Variants in SLC4A10 observed in about 807,000 individuals in gnomAD.
SLC4A10 encodes the protein solute carrier family 4 member 10.
SLC4A10 carries 42 observed loss-of-function variants against 137.7 expected under a neutral mutation model. That is an observed-to-expected ratio of 0.30 (90% CI 0.24 to 0.39). The LOEUF (loss-of-function observed/expected upper bound fraction) is 0.39, where lower values mean the gene tolerates loss of function less well. Among genes scored for constraint, SLC4A10 ranks in the 10% least tolerant of loss-of-function variants. The pLI is 1.00. For missense variants in SLC4A10, 925 were observed against 1,355.0 expected, an observed-to-expected ratio of 0.68 and a Z score of 4.98; for synonymous variants, 474 against 464.1, an observed-to-expected ratio of 1.02 and a Z score of -0.27.
intron 1 of SLC4A10, among the ~76,000 whole-genome samples, chr2:161,767,139 A>ATATAGATG (rs1362865580): frequency 1.8e-5 from 1 of 57,108 alleles, no homozygotes; most frequent in East Asian, 8.3e-4. Flanking sequence ...ATATATATAT[A>ATATAGATG]TGTGTGTGTG....
rs1281102751 is a variant in SLC4A10, at chr2:161,836,552, GAA to G, written c.278-3235_278-3234del. Among the ~76,000 whole-genome samples, 25 of 64,908 alleles carry G rather than the reference GAA, an allele frequency of 3.9e-4. 1 individual carries two copies. The East Asian group carries it at 0.011, about 27-fold the overall frequency. 42.6% of individuals were successfully genotyped at this position (64,908 alleles called of 152,430 possible). A position where few individuals can be genotyped will look rare whatever the true frequency, so the allele number is the denominator to read the frequency against. On this transcript the variant is annotated intron_variant, in intron 3 of 26. Transcript: ENST00000446997. ...AGAGAGAAAGAAAGAAAGAAAGAAAGAAAGAAAGAAAGAAAGAAAGAAAGAAA... is the reference window on the plus strand; with the variant it reads ...AGAGAGAAAGAAAGAAAGAAAGAAAGAGAAAGAAAGAAAGAAAGAAAGAAA...
intron 3 of SLC4A10, among the ~76,000 whole-genome samples, chr2:161,830,248 T>C (rs2125734771): frequency 6.6e-6 from 1 of 152,244 alleles, no homozygotes; most frequent in South Asian, 2.1e-4. Context: ...TAACCACATC[T>C]ATTCTTATCT....
chr2:161,981,950 A>T (rs1454473074), intron 26 of SLC4A10, among the ~76,000 whole-genome samples: 1 of 152,204 alleles, frequency 6.6e-6, no homozygotes, highest in Non-Finnish European at 1.5e-5. Flanking sequence ...ACAACTGAGA[A>T]GGGCTGTTTC....
chr2:161,649,604 T>G lies in SLC4A10; in HGVS notation c.48+25038T>G, dbSNP rs371896457. ...TCTCATTTTCTAGGTTTATTTTATT[T>G]TTAAATCAATTTTATTTTATTTTGC... On this transcript the variant is annotated intron_variant, in intron 1 of 26. Coordinates refer to ENST00000446997, the MANE Select transcript of SLC4A10 (RefSeq NM_001178015.2). Among the ~76,000 whole-genome samples the G allele has an allele frequency of 1.3e-4, 20 of 152,254 alleles. No individual in the cohort carries two copies. In the South Asian group the frequency reaches 3.9e-3, roughly 30 times the overall value.
At chr2:161,759,775 T>C (rs1034875887) in intron 1 of SLC4A10, among the ~76,000 whole-genome samples, 2 of 152,026 alleles carry the variant, frequency 1.3e-5, no homozygotes, top group Non-Finnish European at 2.9e-5. Context: ...CCTTACCAGA[T>C]ACATGGTTTG....
At chr2:161,811,326 A>G (rs1311562173) in intron 3 of SLC4A10, among the ~76,000 whole-genome samples, 1 of 151,938 alleles carries the variant, frequency 6.6e-6, no homozygotes, top group African/African-American at 2.4e-5. Flanking sequence ...TGTTTCATTT[A>G]TCTTTGTATG....
intron 4 of SLC4A10, among the ~76,000 whole-genome samples, chr2:161,841,450 T>C (rs535277014): frequency 6.6e-6 from 1 of 152,308 alleles, no homozygotes; most frequent in African/African-American, 2.4e-5. Context: ...AAAGACTTTA[T>C]CTTAAGCATA....
intron 1 of SLC4A10, among the ~76,000 whole-genome samples, chr2:161,682,999 T>C (rs1262707870): frequency 6.6e-6 from 1 of 152,000 alleles, no homozygotes; most frequent in East Asian, 1.9e-4. Context: ...AACATAAACA[T>C]TTATAATATA....
intron 10 of SLC4A10, among the ~76,000 whole-genome samples, chr2:161,889,288 T>C (rs2062660966): frequency 6.6e-6 from 1 of 152,216 alleles, no homozygotes; most frequent in Non-Finnish European, 1.5e-5. Context: ...AGGATGATGC[T>C]GGCCTCATGA....
chr2:161,708,742 A>G, intron 1 of SLC4A10: 1 of 1,530,504 alleles, frequency 6.5e-7, no homozygotes, highest in Non-Finnish European at 8.7e-7. Flanking sequence ...CTTTTGTAAG[A>G]CAGGAAATGC....
intron 1 of SLC4A10, among the ~76,000 whole-genome samples, 187 bp downstream of exon 1, chr2:161,624,753 C>T (rs982917989): frequency 6.7e-6 from 1 of 149,208 alleles, no homozygotes; most frequent in African/African-American, 2.5e-5. Context: ...CGATTCTCCT[C>T]CCCCCCCCTT....
At chr2:161,778,602 A>T (rs1169969969) in intron 2 of SLC4A10, among the ~76,000 whole-genome samples, 1 of 151,988 alleles carries the variant, frequency 6.6e-6, no homozygotes, top group African/African-American at 2.4e-5. Context: ...TTCATCAAAT[A>T]TTCAAACATT....
At chr2:161,905,270 G>A (rs903618721) in intron 14 of SLC4A10, among the ~76,000 whole-genome samples, 16 of 152,120 alleles carry the variant, frequency 1.1e-4, no homozygotes, top group African/African-American at 3.9e-4. Context: ...GAATGAAACT[G>A]TTCACCTCAG....
chr2:161,718,423 T>C (rs948744170), intron 1 of SLC4A10, among the ~76,000 whole-genome samples: 6 of 152,124 alleles, frequency 3.9e-5, no homozygotes, highest in Admixed American at 1.3e-4. Context: ...TGCTAGCATT[T>C]TGATGGCAGC....
intron 1 of SLC4A10, among the ~76,000 whole-genome samples, chr2:161,637,173 A>G (rs1298300289): frequency 2.0e-5 from 3 of 149,392 alleles, no homozygotes; most frequent in Non-Finnish European, 4.4e-5. Context: ...ATATATACAT[A>G]TATACATATA....
At chr2:161,975,394 A>G (rs1699231260) in intron 24 of SLC4A10, among the ~76,000 whole-genome samples, 1 of 152,176 alleles carries the variant, frequency 6.6e-6, no homozygotes, top group Non-Finnish European at 1.5e-5. Flanking sequence ...CATATTAGCA[A>G]ATGAAACAAT....
chr2:161,982,188 C>T (rs564094875), intron 26 of SLC4A10, among the ~76,000 whole-genome samples: 18 of 152,172 alleles, frequency 1.2e-4, no homozygotes, highest in African/African-American at 4.3e-4. Flanking sequence ...ACTTACAGCC[C>T]AGGGCCTCAG....
At chr2:161,690,104 G>C (rs1486480637) in intron 1 of SLC4A10, among the ~76,000 whole-genome samples, 1 of 151,848 alleles carries the variant, frequency 6.6e-6, no homozygotes, top group Non-Finnish European at 1.5e-5. Flanking sequence ...AAATTTATAA[G>C]GAAAAACAAC....
intron 6 of SLC4A10, among the ~76,000 whole-genome samples, chr2:161,866,239 G>A (rs2125904387): frequency 6.6e-6 from 1 of 151,970 alleles, no homozygotes; most frequent in East Asian, 1.9e-4. Flanking sequence ...TTCAGACACT[G>A]TATTTCAAAC....
Sources: gnomAD v4.1 joint callset for allele counts (sites outside exome capture counted in the v4.1 genomes callset) on GRCh38, gnomAD v4.1.1 for gene constraint, MANE v1.5 for transcripts, NCBI Gene and HGNC (gene_info 2026-07-23, HGNC 2026-07-21) for gene names.